The following SNRPN variants were observed in gnomAD, a reference collection of about 807,000 sequenced individuals.
The protein encoded by SNRPN is small nuclear ribonucleoprotein-associated protein N.
A neutral mutation model predicts 25.2 loss-of-function variants in SNRPN; 7 were observed. That is an observed-to-expected ratio of 0.28 (90% CI 0.16 to 0.52). SNRPN has a LOEUF of 0.52. Among genes scored for constraint, SNRPN ranks in the 20% least tolerant of loss-of-function variants. The pLI is 0.96. For synonymous variants in SNRPN, 124 were observed against 110.6 expected (o/e 1.12, Z -0.76); for missense variants, 196 against 322.5 (o/e 0.61, Z 3.00).
intron 3 of SNRPN, 141 bp from the exon 4 acceptor site, chr15:24,974,170 G>A (rs1463599028): frequency 2.2e-6 from 1 of 447,514 alleles, no homozygotes; most frequent in African/African-American, 2.0e-5. Flanking sequence ...AGGGAAATGT[G>A]GCAGTCCCTT....
At chr15:24,971,658 T>G (rs1475246578) in intron 3 of SNRPN, among the ~76,000 whole-genome samples, 1 of 152,010 alleles carries the variant, frequency 6.6e-6, no homozygotes, top group Non-Finnish European at 1.5e-5. Context: ...CTTGTGGGAG[T>G]TATTTATATC....
intron 3 of SNRPN, among the ~76,000 whole-genome samples, chr15:24,938,612 G>A (rs2061381551): frequency 6.6e-6 from 1 of 152,176 alleles, no homozygotes; most frequent in South Asian, 2.1e-4. Flanking sequence ...TCCCAGAAAG[G>A]GGGCATGCCA....
chr15:24,897,984 A>T (rs894524979), intron 2 of SNRPN, among the ~76,000 whole-genome samples: 4 of 152,164 alleles, frequency 2.6e-5, no homozygotes, highest in Non-Finnish European at 5.9e-5. Flanking sequence ...AAATATGTAG[A>T]ACTACACTCT....
At chr15:24,942,654 C>T (rs1329229646) in intron 3 of SNRPN, among the ~76,000 whole-genome samples, 2 of 152,218 alleles carry the variant, frequency 1.3e-5, no homozygotes, top group African/African-American at 4.8e-5. Flanking sequence ...GAGTAAGCAT[C>T]TGTTCTAGTC....
intron 2 of SNRPN, among the ~76,000 whole-genome samples, chr15:24,918,396 A>ATATATATAACATTATATATATGTG (rs2059686560): frequency 1.3e-5 from 1 of 76,358 alleles, no homozygotes; most frequent in African/African-American, 5.1e-5. Flanking sequence ...ATATATGTGT[A>ATATATATAACATTATATATATGTG]TATATATAAC....
At chr15:24,951,517 T>C (rs1055246366), upstream of SNRPN, among the ~76,000 whole-genome samples, 4 of 152,000 alleles carry the variant, frequency 2.6e-5, no homozygotes, top group Admixed American at 6.6e-5. Flanking sequence ...GTAACACTTT[T>C]TTTTTTTTTT....
intron 1 of SNRPN, among the ~76,000 whole-genome samples, chr15:24,825,471 T>C (rs115813739): frequency 0.014 from 2,071 of 152,210 alleles, 68 homozygotes; most frequent in African/African-American, 0.047. Flanking sequence ...TCTGTTCTGA[T>C]AAATGGAAAG....
At chr15:24,838,097 C>G (rs1183472637) in intron 2 of SNRPN, among the ~76,000 whole-genome samples, 2 of 150,784 alleles carry the variant, frequency 1.3e-5, no homozygotes, top group Non-Finnish European at 2.9e-5. Flanking sequence ...TACAGTGGTC[C>G]AATCTCGGCT....
intron 1 of SNRPN, among the ~76,000 whole-genome samples, chr15:24,883,308 G>C (rs962127879): frequency 3.9e-5 from 6 of 152,216 alleles, no homozygotes; most frequent in African/African-American, 1.4e-4. Context: ...ACACAGCCCT[G>C]TACATCAGCC....
intron 2 of SNRPN, among the ~76,000 whole-genome samples, chr15:24,918,242 A>G (rs2059656806): frequency 1.3e-5 from 2 of 150,552 alleles, no homozygotes; most frequent in African/African-American, 4.9e-5. Flanking sequence ...TTTTACAGCA[A>G]ATTTGCCACA....
At chr15:24,845,487 A>G (rs139978651) in intron 2 of SNRPN, among the ~76,000 whole-genome samples, 2,189 of 152,126 alleles carry the variant, frequency 0.014, 46 homozygotes, top group Admixed American at 0.058. Flanking sequence ...AATCCCAGCT[A>G]CTCGGGAGTC....
At chr15:24,876,053 C>CAA (rs59618495) in intron 1 of SNRPN, among the ~76,000 whole-genome samples, 1,568 of 140,370 alleles carry the variant, frequency 0.011, 25 homozygotes, top group African/African-American at 0.039. Context: ...TACTTTGTCT[C>CAA]AAAAAAAAAA....
intron 2 of SNRPN, among the ~76,000 whole-genome samples, chr15:24,965,765 G>A (rs951044801): frequency 3.9e-5 from 6 of 152,048 alleles, no homozygotes; most frequent in African/African-American, 1.5e-4. Context: ...TTCTGTGTAG[G>A]CTGCCTCATT....
intron 1 of SNRPN, among the ~76,000 whole-genome samples, chr15:24,868,247 C>G (rs562327054): frequency 6.6e-6 from 1 of 152,230 alleles, no homozygotes; most frequent in Non-Finnish European, 1.5e-5. Flanking sequence ...TTATAGGCAA[C>G]TCACACTACT....
intron 2 of SNRPN, among the ~76,000 whole-genome samples, chr15:24,918,344 A>ATATATAACATAATATATATGTGTG (rs2059673151): frequency 8.3e-6 from 1 of 120,412 alleles, no homozygotes; most frequent in Admixed American, 9.1e-5. Context: ...ATATGTGTAT[A>ATATATAACATAATATATATGTGTG]TATATATAAC....
rs930200833 is a variant in SNRPN, at chr15:24,974,403, C to G, written c.-51C>G. ...TATCTATAGCCTTCCCCTAGGTCTT[C>G]AGAAGCATCAAGTTTTAACTGTGGA... On this transcript the variant is annotated 5_prime_UTR_variant, in exon 4 of 10. Transcript: ENST00000390687. 1.3e-5 allele frequency: 20 copies of G among 1,595,650 alleles called. No individual in the cohort carries two copies. The highest frequency in any genetic ancestry group is 1.7e-5 in the Non-Finnish European group (20 of 1,163,448).
chr15:24,864,584 T>A (rs1166854178), intron 1 of SNRPN, among the ~76,000 whole-genome samples: 1 of 151,968 alleles, frequency 6.6e-6, no homozygotes, highest in Admixed American at 6.6e-5. Flanking sequence ...CCTCAGGTAA[T>A]CTGCCCACCT....
intron 1 of SNRPN, among the ~76,000 whole-genome samples, chr15:24,875,126 T>G (rs558316745): frequency 1.3e-5 from 2 of 152,262 alleles, no homozygotes; most frequent in South Asian, 2.1e-4. Context: ...AAACACTGTA[T>G]GAGAAAATGC....
At chr15:24,976,736 T>TG in intron 6 of SNRPN, 141 bp from the exon 7 acceptor site, 2 of 747,134 alleles carry the variant, frequency 2.7e-6, no homozygotes, top group Non-Finnish European at 4.5e-6. Flanking sequence ...ATGGTATACT[T>TG]GCTTGTTTGT....
Sources: allele counts gnomAD v4.1 joint callset (sites outside exome capture counted in the v4.1 genomes callset), GRCh38; gene constraint gnomAD v4.1.1; transcripts MANE v1.5; gene names NCBI Gene and HGNC (gene_info 2026-07-23, HGNC 2026-07-21).